The following KSR2 variants were observed in gnomAD, a reference collection of about 807,000 sequenced individuals.
The protein encoded by KSR2 is kinase suppressor of ras 2.
Under a neutral mutation model 107.8 loss-of-function variants are expected in KSR2, and 25 were observed. The observed-to-expected ratio is 0.23, with a 90% CI of 0.17 to 0.32. KSR2 has a LOEUF of 0.32. KSR2 is among the 10% of genes least tolerant of loss of function. The probability of loss-of-function intolerance (pLI) is 1.00; values close to 1 mark genes in which losing one functional copy is unlikely to be tolerated. For missense variants in KSR2, 887 were observed against 1,268.9 expected (o/e 0.70, Z 4.57); for synonymous variants, 480 against 507.0 (o/e 0.95, Z 0.71).
At chr12:117,543,941 T>C (rs1348926003) in intron 9 of KSR2, among the ~76,000 whole-genome samples, 4 of 152,224 alleles carry the variant, frequency 2.6e-5, no homozygotes, top group African/African-American at 9.6e-5. Flanking sequence ...TGTCACATGG[T>C]GCTCTCCCTG....
chr12:117,527,226 G>T, intron 12 of KSR2, 107 bp from the exon 13 acceptor site: 1 of 750,776 alleles, frequency 1.3e-6, no homozygotes, highest in Non-Finnish European at 2.3e-6. Flanking sequence ...TTACCACCAA[G>T]TCTTTATCTC....
chr12:117,909,251 T>C (rs1454395748), intron 1 of KSR2, among the ~76,000 whole-genome samples: 2 of 152,168 alleles, frequency 1.3e-5, no homozygotes, highest in Non-Finnish European at 2.9e-5. Context: ...CTGACTAAAA[T>C]TTGAACATCA....
intron 4 of KSR2, among the ~76,000 whole-genome samples, chr12:117,722,038 A>T (rs1016667717): frequency 6.6e-6 from 1 of 151,858 alleles, no homozygotes; most frequent in Non-Finnish European, 1.5e-5. Context: ...AATTCCATTT[A>T]ATTTTATTTT....
intron 1 of KSR2, among the ~76,000 whole-genome samples, chr12:117,906,286 G>C (rs1275375001): frequency 6.7e-6 from 1 of 149,152 alleles, no homozygotes; most frequent in Non-Finnish European, 1.5e-5. Flanking sequence ...CTGGGAGGCA[G>C]AGGTTGTGGT....
At chr12:117,916,132 C>CTTTTTTTTTTTTTT in intron 1 of KSR2, among the ~76,000 whole-genome samples, 1 of 125,710 alleles carries the variant, frequency 8.0e-6, no homozygotes, top group Non-Finnish European at 1.6e-5. Flanking sequence ...TTTATTTCTT[C>CTTTTTTTTTTTTTT]TTCTTTTTTT....
chr12:117,818,006 C>A (rs1371944833), intron 3 of KSR2, among the ~76,000 whole-genome samples: 1 of 152,010 alleles, frequency 6.6e-6, no homozygotes, highest in East Asian at 1.9e-4. Flanking sequence ...GAGACTGAGG[C>A]AGGAGAATCA....
At chr12:117,497,708 C>A (rs1048572017) in intron 14 of KSR2, among the ~76,000 whole-genome samples, 1 of 152,164 alleles carries the variant, frequency 6.6e-6, no homozygotes, top group African/African-American at 2.4e-5. Context: ...TTCCTGGCTA[C>A]GTGATTTTTG....
chr12:117,835,125 T>A (rs1399221090), intron 3 of KSR2, among the ~76,000 whole-genome samples: 1 of 152,150 alleles, frequency 6.6e-6, no homozygotes, highest in African/African-American at 2.4e-5. Context: ...TGAGGCCATG[T>A]GGCTGACCCA....
At chr12:117,837,546 A>G (rs545288700) in intron 3 of KSR2, among the ~76,000 whole-genome samples, 1 of 152,200 alleles carries the variant, frequency 6.6e-6, no homozygotes, top group South Asian at 2.1e-4. Flanking sequence ...AACTTTTTCA[A>G]GCAAGGAGCC....
intron 14 of KSR2, among the ~76,000 whole-genome samples, chr12:117,505,988 A>G (rs1873655809): frequency 6.6e-6 from 1 of 152,140 alleles, no homozygotes; most frequent in African/African-American, 2.4e-5. Context: ...TATCTTCCCC[A>G]TGGCTGAGAG....
chr12:117,717,463 G>A (rs964843022), intron 4 of KSR2, among the ~76,000 whole-genome samples: 6 of 151,956 alleles, frequency 3.9e-5, no homozygotes, highest in African/African-American at 1.5e-4. Context: ...AGGCTGCAGT[G>A]AGCCGAGATT....
intron 10 of KSR2, 140 bp downstream of exon 10, chr12:117,539,579 C>A: frequency 1.4e-6 from 1 of 739,406 alleles, no homozygotes; most frequent in South Asian, 2.1e-5. Flanking sequence ...CCACATACTT[C>A]CTTGCCCCTC....
At chr12:117,957,748 T>TACATACAC (rs1896554133) in intron 1 of KSR2, among the ~76,000 whole-genome samples, 1 of 148,014 alleles carries the variant, frequency 6.8e-6, no homozygotes, top group South Asian at 2.1e-4. Flanking sequence ...AATTGTGAGT[T>TACATACAC]ACACACACAC....
intron 1 of KSR2, among the ~76,000 whole-genome samples, chr12:117,922,968 G>A (rs1460261537): frequency 6.6e-6 from 1 of 152,194 alleles, no homozygotes; most frequent in Non-Finnish European, 1.5e-5. Flanking sequence ...GCTGCCCGAT[G>A]TACATGATGC....
intron 5 of KSR2, among the ~76,000 whole-genome samples, chr12:117,594,285 A>G (rs928064615): frequency 2.0e-5 from 3 of 152,150 alleles, no homozygotes. Context: ...GCTTGCTGCC[A>G]AAGACCCCAG....
intron 3 of KSR2, among the ~76,000 whole-genome samples, chr12:117,786,982 T>C (rs145133986): frequency 0.027 from 4,043 of 150,870 alleles, 182 homozygotes; most frequent in African/African-American, 0.093. Flanking sequence ...TGAGCCAAGA[T>C]CACGCCACTG....
At chr12:117,623,974 T>C (rs1045419116) in intron 5 of KSR2, among the ~76,000 whole-genome samples, 1 of 152,262 alleles carries the variant, frequency 6.6e-6, no homozygotes, top group Non-Finnish European at 1.5e-5. Context: ...ATTTCTCTGA[T>C]GGCCAGTGAT....
chr12:117,719,107 AC>A (rs1747901105), intron 4 of KSR2, among the ~76,000 whole-genome samples: 1 of 152,234 alleles, frequency 6.6e-6, no homozygotes, highest in African/African-American at 2.4e-5. Flanking sequence ...TTTGGCTCAT[AC>A]AAACCTTAAA....
chr12:117,920,191 C>CA (rs1895297944), intron 1 of KSR2, among the ~76,000 whole-genome samples: 1 of 152,156 alleles, frequency 6.6e-6, no homozygotes, highest in Non-Finnish European at 1.5e-5. Context: ...CTTGACCTCC[C>CA]AAGCTCAAAT....
Sources: gnomAD v4.1 joint callset for allele counts (sites outside exome capture counted in the v4.1 genomes callset) on GRCh38, gnomAD v4.1.1 for gene constraint, MANE v1.5 for transcripts, NCBI Gene and HGNC (gene_info 2026-07-23, HGNC 2026-07-21) for gene names.